RPS6KA1: variants seen among roughly 807,000 people sequenced by gnomAD.
RPS6KA1 encodes the protein ribosomal protein S6 kinase alpha-1.
RPS6KA1 carries 48 observed loss-of-function variants against 91.3 expected under a neutral mutation model. The ratio of observed to expected loss-of-function variants is 0.53; its 90% confidence interval spans 0.42 to 0.67. The LOEUF (loss-of-function observed/expected upper bound fraction) is 0.67, where lower values mean the gene tolerates loss of function less well. RPS6KA1 is among the 30% of genes least tolerant of loss of function. The pLI, the probability that RPS6KA1 is intolerant of heterozygous loss-of-function variation, is 0.00. For missense variants in RPS6KA1, 719 were observed against 960.5 expected, an observed-to-expected ratio of 0.75 and a Z score of 3.32; for synonymous variants, 359 against 384.7, an observed-to-expected ratio of 0.93 and a Z score of 0.78.
At chr1:26,567,405 G>T (rs1394810462) in intron 17 of RPS6KA1, among the ~76,000 whole-genome samples, 1 of 151,970 alleles carries the variant, frequency 6.6e-6, no homozygotes, top group Non-Finnish European at 1.5e-5. Context: ...TTTTGAGACG[G>T]AGTCTAGCTC....
chr1:26,569,743 C>T (rs1480368379), intron 17 of RPS6KA1, among the ~76,000 whole-genome samples: 1 of 152,238 alleles, frequency 6.6e-6, no homozygotes, highest in Non-Finnish European at 1.5e-5. Context: ...GTTCACTTAG[C>T]ATTTGCTCTG....
chr1:26,541,834 G>A (rs999147059), intron 2 of RPS6KA1, among the ~76,000 whole-genome samples: 4 of 152,240 alleles, frequency 2.6e-5, no homozygotes, highest in Non-Finnish European at 4.4e-5. Context: ...AGGATTGGCA[G>A]GTGGGCTTGG....
chr1:26,562,830 T>C (rs2076165568), intron 17 of RPS6KA1, among the ~76,000 whole-genome samples: 1 of 133,798 alleles, frequency 7.5e-6, no homozygotes, highest in Non-Finnish European at 1.6e-5. Context: ...TTGTCCTTTT[T>C]TTTTTTTTTT....
chr1:26,571,346 T>G lies in RPS6KA1; in HGVS notation c.1591-103T>G. 3 of 1,093,552 alleles carry G rather than the reference T, an allele frequency of 2.7e-6. No homozygotes were observed. In the Admixed American group the frequency reaches 6.1e-5, roughly 22 times the overall value. 67.7% of individuals were successfully genotyped at this position (1,093,552 alleles called of 1,614,324 possible). On this transcript the variant is annotated intron_variant, in intron 17 of 21. Coordinates refer to ENST00000374168, the MANE Select transcript of RPS6KA1 (RefSeq NM_002953.4). The surrounding 1 kb of genome is among the most constrained non-coding windows in gnomAD (Gnocchi z 5.1). The stretch of plus-strand genomic sequence containing the variant: ...CTCGGATGCCAAGTCCATGCACCCG[T>G]CCCTCTGCACCCTGTCTGTGTAGCT...
At chr1:26,550,079 A>C (rs560344825) in intron 4 of RPS6KA1, among the ~76,000 whole-genome samples, 319 of 149,466 alleles carry the variant, frequency 2.1e-3, no homozygotes, top group African/African-American at 7.4e-3. Flanking sequence ...GGGTTTCTCC[A>C]TGTTGGTCAG....
At chr1:26,536,208 A>G (rs60988462) in intron 1 of RPS6KA1, among the ~76,000 whole-genome samples, 3,378 of 150,222 alleles carry the variant, frequency 0.022, 107 homozygotes, top group African/African-American at 0.078. Flanking sequence ...CACTGAGCCC[A>G]GTGCCTGCCA....
chr1:26,557,020 A>C lies in RPS6KA1; in HGVS notation c.1004A>C (p.Lys335Thr), dbSNP rs2229712. The C allele has an allele frequency of 0.22, 349,674 of 1,613,156 alleles. 40,223 individuals carry two copies. Among genetic ancestry groups the C allele is most frequent in the Admixed American group, 0.28 (16,853 of 60,002 alleles). Reference protein sequence around the residue: ...DWNKLYRREIKPPFKPAVAQP... With the variant: ...DWNKLYRREITPPFKPAVAQP... The stretch of plus-strand genomic sequence containing the variant: ...CAGAAGCTATACCGTCGTGAGATCA[A>C]GCCACCCTTCAAGCCAGCAGTGGCT... Residue 335 changes from lysine (K) to threonine (T), a missense_variant, in exon 13 of 22, where the codon AAG becomes ACG. Physicochemically the swap from Lys to Thr is moderately conservative, Grantham distance 78. This residue lies in a region of RPS6KA1 where 228 missense variants were observed against 247.6 expected (regional missense o/e 0.92). Transcript: ENST00000374168.
rs1418814819 is a variant in RPS6KA1 at position 26,561,433 on chromosome 1, C to G, written c.1432-72C>G. 3.3e-5 allele frequency: 52 copies of G among 1,593,584 alleles called. No individual in the cohort carries two copies. Among genetic ancestry groups the G allele is most frequent in the Non-Finnish European group, 4.2e-5 (49 of 1,162,764 alleles). Reference sequence around the variant, plus strand: ...AAGGCTCATGTCATTCTTCCCTGCTCTGGGGCGCTGCTGACCAGGGGGCTC... The same window carrying G: ...AAGGCTCATGTCATTCTTCCCTGCTGTGGGGCGCTGCTGACCAGGGGGCTC... On this transcript the variant is annotated intron_variant, in intron 16 of 21. Transcript: ENST00000374168. The surrounding 1 kb of genome is among the most constrained non-coding windows in gnomAD (Gnocchi z 5.7).
In RPS6KA1 at chr1:26,574,587, T is replaced by A; in HGVS notation, c.*386T>A. On this transcript the variant is annotated 3_prime_UTR_variant, in exon 22 of 22. Transcript: ENST00000374168. This position sits in a 1 kb window ranked among gnomAD's most constrained non-coding sequence, Gnocchi z 4.3. Reference sequence around the variant, plus strand: ...TTAGAGCAGCTTTGGGATCCCACCCTGGGGACCCCCACGATTGGCCACCTG... The same window carrying A: ...TTAGAGCAGCTTTGGGATCCCACCCAGGGGACCCCCACGATTGGCCACCTG... 2.5e-6 allele frequency: 1 copy of A among 401,510 alleles called. No individual in the cohort carries two copies. Among genetic ancestry groups the A allele is most frequent in the Non-Finnish European group, 4.9e-6 (1 of 202,602 alleles). 24.9% of individuals were successfully genotyped at this position (401,510 alleles called of 1,614,324 possible).
intron 1 of RPS6KA1, chr1:26,531,291 C>T (rs1468850937): frequency 6.5e-6 from 1 of 152,748 alleles, no homozygotes; most frequent in Non-Finnish European, 1.5e-5. Flanking sequence ...CTCGCTGACT[C>T]ACCCTCTGAG....
In RPS6KA1 at chr1:26,574,343, A is replaced by C; in HGVS notation, c.*142A>C. On this transcript the variant is annotated 3_prime_UTR_variant, in exon 22 of 22. Coordinates refer to ENST00000374168, the MANE Select transcript of RPS6KA1 (RefSeq NM_002953.4). The surrounding 1 kb of genome is among the most constrained non-coding windows in gnomAD (Gnocchi z 4.3). ...AAGCTGCCAGCCCAGAACACCCCTAATGAGGGTGTGAGAAGTGCCTTCTCC... is the reference window on the plus strand; with the variant it reads ...AAGCTGCCAGCCCAGAACACCCCTACTGAGGGTGTGAGAAGTGCCTTCTCC... 17 of 990,342 alleles carry C rather than the reference A, an allele frequency of 1.7e-5. No homozygotes were observed. The highest frequency in any genetic ancestry group is 2.6e-5 in the Non-Finnish European group (16 of 614,504). 61.3% of individuals were successfully genotyped at this position (990,342 alleles called of 1,614,324 possible).
intron 14 of RPS6KA1, among the ~76,000 whole-genome samples, chr1:26,559,210 C>G (rs958814302): frequency 3.3e-5 from 5 of 152,170 alleles, no homozygotes; most frequent in Non-Finnish European, 5.9e-5. Context: ...TGTCGTGTCT[C>G]CGGCATAAGT....
Position 26,554,461 on chromosome 1 carries a change from C to G in RPS6KA1, c.614-135C>G. ...ACGTTGAGCAAGTCACCTGACCTCT[C>G]TGGGCCTTAGCTTCCTCCTGAGTGT... is the stretch of plus-strand genomic sequence containing the variant. On this transcript the variant is annotated intron_variant, in intron 8 of 21. Coordinates refer to ENST00000374168, the MANE Select transcript of RPS6KA1 (RefSeq NM_002953.4). The surrounding 1 kb of genome is among the most constrained non-coding windows in gnomAD (Gnocchi z 4.6). 7.8e-7 allele frequency: 1 copy of G among 1,274,976 alleles called. No individual in the cohort carries two copies. The highest frequency in any genetic ancestry group is 1.1e-6 in the Non-Finnish European group (1 of 908,310). The allele number at this position is 1,274,976 out of a possible 1,614,324, so 79.0% of individuals were successfully genotyped here.
intron 13 of RPS6KA1, among the ~76,000 whole-genome samples, chr1:26,557,473 G>A (rs2076112903): frequency 6.6e-6 from 1 of 152,176 alleles, no homozygotes; most frequent in African/African-American, 2.4e-5. Flanking sequence ...CACACTGTGT[G>A]GTGGCTGAGC....
chr1:26,567,122 T>A (rs1022875618), intron 17 of RPS6KA1, among the ~76,000 whole-genome samples: 2 of 151,850 alleles, frequency 1.3e-5, no homozygotes, highest in Non-Finnish European at 2.9e-5. Context: ...GCTCAAGTGA[T>A]CCTTCCTCCT....
Position 26,555,611 on chromosome 1 carries a change from C to T in RPS6KA1, c.902C>T (p.Pro301Leu). Residue 301 changes from proline to leucine, a missense_variant, in exon 11 of 22, where the codon CCT becomes CTT. By Grantham distance (98) the Pro-to-Leu change is moderately conservative. Transcript: ENST00000374168. The surrounding 1 kb of genome is among the most constrained non-coding windows in gnomAD (Gnocchi z 4.3). Reference protein sequence around the residue: ...SLLRALFKRNPANRLGSGPDG... With the variant: ...SLLRALFKRNLANRLGSGPDG... ...TTGCGGGCCCTGTTCAAGCGGAATC[C>T]TGCCAACCGGCTCGGTAAGCAGCCC... is the stretch of plus-strand genomic sequence containing the variant. The T allele has an allele frequency of 6.3e-7, 1 of 1,598,272 alleles. No homozygotes were observed. Among genetic ancestry groups the T allele is most frequent in the South Asian group, 1.1e-5 (1 of 88,614 alleles).
intron 2 of RPS6KA1, among the ~76,000 whole-genome samples, chr1:26,538,415 G>A (rs1382035473): frequency 6.6e-6 from 1 of 152,296 alleles, no homozygotes; most frequent in South Asian, 2.1e-4. Flanking sequence ...GGAGCTTACT[G>A]GGAGATGGCA....
Position 26,571,763 on chromosome 1 carries a change from C to T in RPS6KA1, c.1753-86C>T. On this transcript the variant is annotated intron_variant, in intron 18 of 21. Transcript: ENST00000374168. This position sits in a 1 kb window ranked among gnomAD's most constrained non-coding sequence, Gnocchi z 5.1. ...CTAGCCTGTGCCTGGGACCCTTGTCCTGCCCTTGAGGGGAGTAGCAGGAAA... is the reference window on the plus strand; with the variant it reads ...CTAGCCTGTGCCTGGGACCCTTGTCTTGCCCTTGAGGGGAGTAGCAGGAAA... 2 of 1,499,000 alleles carry T rather than the reference C, an allele frequency of 1.3e-6. No homozygotes were observed. 92.9% of individuals were successfully genotyped at this position (1,499,000 alleles called of 1,614,324 possible). A position where few individuals can be genotyped will look rare whatever the true frequency, so the allele number is the denominator to read the frequency against.
In RPS6KA1 at chr1:26,558,940, G is replaced by A. The variant is rs1240554926; in HGVS notation, c.1215+3G>A. On this transcript the variant is annotated splice_donor_region_variant and intron_variant, in intron 14 of 21. Transcript: ENST00000374168. The surrounding 1 kb of genome is among the most constrained non-coding windows in gnomAD (Gnocchi z 4.0). ...CACCCCTGCACTCGGTGGTACAGGT[G>A]AGGGGGGCAGGGGGCTGCTGCTCCA... 1 of 1,608,196 alleles carries A rather than the reference G, an allele frequency of 6.2e-7. No individual in the cohort carries two copies. The highest frequency in any genetic ancestry group is 1.1e-5 in the South Asian group (1 of 90,912).
Sources: allele counts gnomAD v4.1 joint callset (sites outside exome capture counted in the v4.1 genomes callset), GRCh38; gene constraint gnomAD v4.1.1; regional missense constraint gnomAD v4.1.1; non-coding constraint Gnocchi (gnomAD v3.1); transcripts MANE v1.5; gene names NCBI Gene and HGNC (gene_info 2026-07-23, HGNC 2026-07-21).